Variants in DMXL2 observed in about 807,000 individuals in gnomAD.
DMXL2 encodes the protein dmX-like protein 2.
In DMXL2, 103 loss-of-function variants were observed where a neutral mutation model predicts 331.1. The observed-to-expected ratio is 0.31, with a 90% CI of 0.27 to 0.37. The LOEUF is 0.37. Ranked by LOEUF, DMXL2 falls within the 10% of genes least tolerant of loss-of-function variation. DMXL2 has a pLI of 1.00. For synonymous variants in DMXL2, 1,281 were observed against 1,252.1 expected (o/e 1.02, Z -0.49); for missense variants, 3,171 against 3,642.9 (o/e 0.87, Z 3.33).
intron 1 of DMXL2, among the ~76,000 whole-genome samples, chr15:51,612,414 A>G (rs6493512): frequency 0.82 from 124,029 of 152,128 alleles, 50,919 homozygotes; most frequent in East Asian, 0.99. Flanking sequence ...AATATTTCAT[A>G]TAGGTTATTT....
rs1186798789 is a variant in DMXL2 at position 51,614,838 on chromosome 15, T to C, written c.87+7621A>G. Among the ~76,000 whole-genome samples, 3 of 152,340 alleles carry C rather than the reference T, an allele frequency of 2.0e-5. No individual in the cohort carries two copies. The East Asian group carries it at 5.8e-4, about 29-fold the overall frequency. Reference sequence around the variant, plus strand: ...GGAATAAGGGGCTAACAAGATTTTATTTGTATTTTAACAGGAGCATTCTAG... The same window carrying C: ...GGAATAAGGGGCTAACAAGATTTTACTTGTATTTTAACAGGAGCATTCTAG... On this transcript the variant is annotated intron_variant, in intron 1 of 43. Coordinates refer to ENST00000560891, the MANE Select transcript of DMXL2 (RefSeq NM_001378457.1).
rs996462544 is a variant in DMXL2, at chr15:51,594,334, C to G, written c.88-18153G>C. On this transcript the variant is annotated intron_variant, in intron 1 of 43. Coordinates refer to ENST00000560891, the MANE Select transcript of DMXL2 (RefSeq NM_001378457.1). ...ATCTAGAAGAAATGGATAAATTCCT[C>G]GACACATACACCCTCCAAAGACTAA... Among the ~76,000 whole-genome samples the G allele has an allele frequency of 1.2e-3, 177 of 152,202 alleles. 1 individual carries two copies. Among genetic ancestry groups the G allele is most frequent in the Non-Finnish European group, 2.2e-3 (152 of 67,988 alleles).
intron 1 of DMXL2, among the ~76,000 whole-genome samples, chr15:51,611,335 C>T (rs2053957129): frequency 6.6e-6 from 1 of 151,432 alleles, no homozygotes; most frequent in Admixed American, 6.6e-5. Flanking sequence ...CAACTTTATA[C>T]TCATAAATTT....
At position 51,598,840 on chromosome 15, in the gene DMXL2, T is replaced by C. The variant is rs142820357; in HGVS notation, c.88-22659A>G. Among the ~76,000 whole-genome samples, 268 of 152,324 alleles carry C rather than the reference T, an allele frequency of 1.8e-3. 1 individual carries two copies. The highest frequency in any genetic ancestry group is 6.2e-3 in the African/African-American group (258 of 41,574). On this transcript the variant is annotated intron_variant, in intron 1 of 43. Coordinates refer to ENST00000560891, the MANE Select transcript of DMXL2 (RefSeq NM_001378457.1). ...TCTTCCAGGTTTCTCCTCTATGTTG[T>C]TTTTCCTTTATAATTAATAAGTATA... is the stretch of plus-strand genomic sequence containing the variant.
chr15:51,503,373 T>C (rs2043821076), intron 16 of DMXL2, among the ~76,000 whole-genome samples: 1 of 152,212 alleles, frequency 6.6e-6, no homozygotes, highest in South Asian at 2.1e-4. Flanking sequence ...ATATACACAA[T>C]GGAATACTAT....
chr15:51,449,692 T>G (rs2038964995), intron 43 of DMXL2, among the ~76,000 whole-genome samples: 1 of 152,166 alleles, frequency 6.6e-6, no homozygotes, highest in African/African-American at 2.4e-5. Flanking sequence ...ACTTTAACAA[T>G]ATTTTTAACT....
At chr15:51,612,267 T>C (rs764906585) in intron 1 of DMXL2, among the ~76,000 whole-genome samples, 43 of 152,176 alleles carry the variant, frequency 2.8e-4, no homozygotes, top group African/African-American at 9.9e-4. Context: ...ACCAACCACA[T>C]AGAGATAGCA....
rs1194326601 is a variant in DMXL2 at position 51,488,531 on chromosome 15, G to C, written c.5051+17C>G. On this transcript the variant is annotated intron_variant, in intron 21 of 43. Coordinates refer to ENST00000560891, the MANE Select transcript of DMXL2 (RefSeq NM_001378457.1). The stretch of plus-strand genomic sequence containing the variant: ...TCTTCATTCTGTTGAATCACGTTAA[G>C]TGTCAAGGCAACTTACCTAAACAGA... 2 of 1,593,742 alleles carry C rather than the reference G, an allele frequency of 1.3e-6. No homozygotes were observed. The highest frequency in any genetic ancestry group is 1.7e-6 in the Non-Finnish European group (2 of 1,163,890).
In DMXL2 at chr15:51,499,011, T is replaced by C. The variant is rs760535254; in HGVS notation, c.4213A>G (p.Thr1405Ala). The C allele has an allele frequency of 2.5e-6, 4 of 1,614,024 alleles. No homozygotes were observed. Among genetic ancestry groups the C allele is most frequent in the Non-Finnish European group, 3.4e-6 (4 of 1,180,024 alleles). The change falls in exon 18 of 44, where the codon ACA (threonine) becomes GCA (alanine). Residue 1405 changes from threonine to alanine, a missense_variant. Physicochemically the swap from Thr to Ala is moderately conservative, Grantham distance 58. Around this residue, in one of 7 missense-constraint regions of DMXL2, gnomAD observed 1,674 missense variants for 1,780.2 expected, o/e 0.94. Coordinates refer to ENST00000560891, the MANE Select transcript of DMXL2 (RefSeq NM_001378457.1). ...LSRTISVSGSTAKETVTVGKD... is the reference protein window; with the variant it reads ...LSRTISVSGSAAKETVTVGKD... ...CCTACGGTGACTGTTTCCTTTGCTG[T>C]ACTGCCACTTACACTAATAGTTCGA...
At chr15:51,474,235 T>A (rs2041374273) in intron 28 of DMXL2, 109 bp downstream of exon 28, 21 of 1,036,818 alleles carry the variant, frequency 2.0e-5, no homozygotes, top group Non-Finnish European at 2.8e-5. Flanking sequence ...GTGATTATAC[T>A]TTAAGCATCG....
intron 19 of DMXL2, among the ~76,000 whole-genome samples, chr15:51,492,494 TTTG>T (rs2042880725): frequency 4.0e-5 from 6 of 150,498 alleles, no homozygotes; most frequent in Non-Finnish European, 3.0e-5. Flanking sequence ...TTTGGGTTTG[TTTG>T]TTTTTTTTTA....
At chr15:51,484,262 A>G (rs1313923348) in intron 23 of DMXL2, among the ~76,000 whole-genome samples, 1 of 152,172 alleles carries the variant, frequency 6.6e-6, no homozygotes, top group African/African-American at 2.4e-5. Context: ...GTGACCATGT[A>G]CCCACACTCC....
chr15:51,548,919 T>C (rs1033222760), intron 6 of DMXL2, among the ~76,000 whole-genome samples: 4 of 150,628 alleles, frequency 2.7e-5, no homozygotes, highest in Non-Finnish European at 4.4e-5. Context: ...ATTCCTAGCT[T>C]TTTTTTTTAA....
chr15:51,607,284 G>A (rs1055945153), intron 1 of DMXL2, among the ~76,000 whole-genome samples: 4 of 150,444 alleles, frequency 2.7e-5, no homozygotes, highest in Admixed American at 6.6e-5. Flanking sequence ...GTGAAACCCC[G>A]TCTCTACTAA....
intron 8 of DMXL2, among the ~76,000 whole-genome samples, chr15:51,544,727 TA>T (rs1334701432): frequency 5.3e-5 from 8 of 152,120 alleles, no homozygotes; most frequent in African/African-American, 1.7e-4. Context: ...AAATTAAGTA[TA>T]AAAAACTTAT....
Position 51,466,326 on chromosome 15 carries a change from A to G in DMXL2, c.7393-15T>C, listed in dbSNP as rs746954557. 20 of 1,253,774 alleles carry G rather than the reference A, an allele frequency of 1.6e-5. No homozygotes were observed. The highest frequency in any genetic ancestry group is 7.8e-5 in the African/African-American group (5 of 63,932). 77.7% of individuals were successfully genotyped at this position (1,253,774 alleles called of 1,614,324 possible). A position where few individuals can be genotyped will look rare whatever the true frequency, so the allele number is the denominator to read the frequency against. On this transcript the variant is annotated splice_polypyrimidine_tract_variant and intron_variant, in intron 29 of 43. Transcript: ENST00000560891. ...GGAAGAAATGGCTGCAATAAAAGGT[A>G]AAATTATTTTTTTAAAGATTATAAT... is the stretch of plus-strand genomic sequence containing the variant.
At chr15:51,603,350 CAG>C (rs1179238595) in intron 1 of DMXL2, among the ~76,000 whole-genome samples, 1 of 151,974 alleles carries the variant, frequency 6.6e-6, no homozygotes, top group Non-Finnish European at 1.5e-5. Flanking sequence ...AAAAATGAAA[CAG>C]ATGAAAAAGA....
rs886546741 is a variant in DMXL2 at position 51,448,792 on chromosome 15, G to A, written c.*192C>T. On this transcript the variant is annotated 3_prime_UTR_variant, in exon 44 of 44. Transcript: ENST00000560891. The stretch of plus-strand genomic sequence containing the variant: ...ACAATACTAGGTTTTATTTTTTTTA[G>A]TATGTCAGCATAATAAGGTACATGC... 3.3e-5 allele frequency: 20 copies of A among 605,438 alleles called. No homozygotes were observed. Among genetic ancestry groups the A allele is most frequent in the African/African-American group, 3.2e-4 (17 of 53,886 alleles). 37.5% of individuals were successfully genotyped at this position (605,438 alleles called of 1,614,324 possible). A position where few individuals can be genotyped will look rare whatever the true frequency, so the allele number is the denominator to read the frequency against.
intron 16 of DMXL2, 58 bp downstream of exon 16, chr15:51,507,076 A>G (rs372911498): frequency 5.6e-5 from 75 of 1,338,042 alleles, no homozygotes; most frequent in East Asian, 4.7e-4. Context: ...AAAGTAAAGC[A>G]TATTCTATAA....
Sources: gnomAD v4.1 joint callset for allele counts (sites outside exome capture counted in the v4.1 genomes callset) on GRCh38, gnomAD v4.1.1 for gene constraint, gnomAD v4.1.1 regional missense constraint, MANE v1.5 for transcripts, NCBI Gene and HGNC (gene_info 2026-07-23, HGNC 2026-07-21) for gene names.